SLC13A4: variants seen among roughly 807,000 people sequenced by gnomAD.
The protein encoded by SLC13A4 is solute carrier family 13 member 4, also known as Na(+)/sulfate cotransporter SUT-1.
SLC13A4 carries 28 observed loss-of-function variants against 72.7 expected under a neutral mutation model. That is an observed-to-expected ratio of 0.39 (90% confidence interval 0.29 to 0.53). The LOEUF (loss-of-function observed/expected upper bound fraction) is 0.53. Among genes scored for constraint, SLC13A4 ranks in the 20% least tolerant of loss-of-function variants. The pLI is 0.78. For missense variants in SLC13A4, 653 were observed against 788.0 expected, an observed-to-expected ratio of 0.83 and a Z score of 2.05; for synonymous variants, 312 against 325.5, an observed-to-expected ratio of 0.96 and a Z score of 0.45.
rs985916337 is a variant in SLC13A4, at chr7:135,692,424, G to C, written c.1122C>G (p.Ser374Arg). Residue 374 changes from serine to arginine, a missense_variant and splice_region_variant, in exon 11 of 16, where the codon AGC (serine) becomes AGG (arginine). By Grantham distance (110) the Ser-to-Arg change is moderately radical. Transcript: ENST00000682651. ...QEEYEKLGDI[S>R]YPEMVTGFFF... is the part of the protein sequence containing the mutation. ...AAAATCCAGTCACCATTTCTGGGTA[G>C]CTATAAAATAAAACAGAAAGACCCA... is the stretch of plus-strand genomic sequence containing the variant. 1.3e-5 allele frequency: 21 copies of C among 1,604,450 alleles called. No homozygotes were observed. Among genetic ancestry groups the C allele is most frequent in the Non-Finnish European group, 1.6e-5 (19 of 1,175,750 alleles).
intron 4 of SLC13A4, 27 bp downstream of exon 4, chr7:135,706,100 AG>A (rs772154040): frequency 5.8e-6 from 9 of 1,549,396 alleles, no homozygotes; most frequent in Middle Eastern, 1.7e-4. Context: ...GGAGGAGCAA[AG>A]GAGAGATGAA....
chr7:135,714,245 C>A (rs1004452994), intron 2 of SLC13A4, among the ~76,000 whole-genome samples: 3 of 152,212 alleles, frequency 2.0e-5, no homozygotes, highest in Non-Finnish European at 2.9e-5. Context: ...TAGAGAGACC[C>A]AGATGGGTGC....
intron 3 of SLC13A4, chr7:135,707,774 A>T: frequency 2.7e-5 from 5 of 188,652 alleles, no homozygotes; most frequent in East Asian, 1.3e-4. Flanking sequence ...CTTCCGGTCC[A>T]GCCTGTTCCC....
intron 2 of SLC13A4, among the ~76,000 whole-genome samples, chr7:135,709,512 C>T (rs1176990251): frequency 6.6e-6 from 1 of 151,942 alleles, no homozygotes; most frequent in Non-Finnish European, 1.5e-5. Flanking sequence ...CTCAACCTCC[C>T]AGGCTCAGGG....
rs759049343 is a variant in SLC13A4, at chr7:135,705,656, A to C, written c.539-6T>G. 3 of 1,613,612 alleles carry C rather than the reference A, an allele frequency of 1.9e-6. No homozygotes were observed. On this transcript the variant is annotated splice_region_variant and splice_polypyrimidine_tract_variant and intron_variant, in intron 4 of 15. Coordinates refer to ENST00000682651, the MANE Select transcript of SLC13A4 (RefSeq NM_001318192.2). ...GCTGTTCTTTACATCCAGACCTATG[A>C]GTAGCAAAGAAAAGCAGTATGTGAG...
At chr7:135,695,622 G>A (rs1294546722) in intron 8 of SLC13A4, 135 bp from the exon 9 acceptor site, 18 of 999,148 alleles carry the variant, frequency 1.8e-5, no homozygotes, top group East Asian at 2.7e-5. Flanking sequence ...ATGGTAAAAC[G>A]TTGCCTAGGA....
At chr7:135,715,671 G>A (rs943879886) in intron 2 of SLC13A4, among the ~76,000 whole-genome samples, 1 of 152,214 alleles carries the variant, frequency 6.6e-6, no homozygotes, top group Admixed American at 6.5e-5. Flanking sequence ...CTTCACCGGA[G>A]AGCCCTGTGG....
At chr7:135,708,917 ATTTTTTTTT>A (rs59407311) in intron 2 of SLC13A4, among the ~76,000 whole-genome samples, 1 of 71,446 alleles carries the variant, frequency 1.4e-5, no homozygotes, top group Non-Finnish European at 2.4e-5. Flanking sequence ...GTCTTGCTCA[ATTTTTTTTT>A]TTTTTTTTTT....
chr7:135,699,614 CA>C, intron 7 of SLC13A4, 66 bp from the exon 8 acceptor site: 1 of 1,413,906 alleles, frequency 7.1e-7, no homozygotes, highest in Non-Finnish European at 9.6e-7. Context: ...GCATGAGAGG[CA>C]GGAGGCACCA....
chr7:135,718,145 A>G (rs945175806), intron 2 of SLC13A4, among the ~76,000 whole-genome samples: 8 of 144,426 alleles, frequency 5.5e-5, no homozygotes, highest in Non-Finnish European at 1.1e-4. Flanking sequence ...CTCTGGAGAA[A>G]CTGCAGAACA....
At chr7:135,702,078 A>G in intron 6 of SLC13A4, 1 of 193,120 alleles carries the variant, frequency 5.2e-6, no homozygotes, top group Non-Finnish European at 1.0e-5. Flanking sequence ...AAGAAAATAA[A>G]AAAAAAATAA....
chr7:135,699,884 T>C (rs1357049457), intron 7 of SLC13A4, among the ~76,000 whole-genome samples: 3 of 152,162 alleles, frequency 2.0e-5, no homozygotes, highest in Non-Finnish European at 2.9e-5. Flanking sequence ...GGGTTTTTAT[T>C]TGAACTCCTG....
chr7:135,707,553 A>C (rs1796193082), intron 3 of SLC13A4: 1 of 152,364 alleles, frequency 6.6e-6, no homozygotes, highest in Non-Finnish European at 1.5e-5. Flanking sequence ...GGGAAGGTAC[A>C]GGCAGGGGAA....
At chr7:135,683,481 C>CG in intron 15 of SLC13A4, 1 of 983,836 alleles carries the variant, frequency 1.0e-6, no homozygotes, top group Non-Finnish European at 1.2e-6. Flanking sequence ...CCATCCTCTC[C>CG]CCCCCCGCTC....
At chr7:135,691,100 G>T in intron 13 of SLC13A4, 101 bp downstream of exon 13, 2 of 1,081,112 alleles carry the variant, frequency 1.8e-6, no homozygotes, top group South Asian at 3.2e-5. Context: ...GGAGGCGGAG[G>T]TTGCAGTGAG....
chr7:135,716,847 A>G (rs1485440483), intron 2 of SLC13A4, among the ~76,000 whole-genome samples: 2 of 151,992 alleles, frequency 1.3e-5, no homozygotes, highest in African/African-American at 4.8e-5. Context: ...TGTGTAAATG[A>G]CCTCCCACAG....
chr7:135,715,805 G>A (rs1295717550), intron 2 of SLC13A4, among the ~76,000 whole-genome samples: 1 of 152,192 alleles, frequency 6.6e-6, no homozygotes, highest in Non-Finnish European at 1.5e-5. Context: ...GGACTTCAGA[G>A]GCAGATATAA....
intron 2 of SLC13A4, among the ~76,000 whole-genome samples, chr7:135,713,764 A>G (rs1228422810): frequency 6.6e-6 from 1 of 152,172 alleles, no homozygotes; most frequent in East Asian, 1.9e-4. Flanking sequence ...TTCAGTAGAG[A>G]CGGGGTTTCG....
chr7:135,720,344 G>C (rs891282801), intron 2 of SLC13A4, among the ~76,000 whole-genome samples: 3 of 152,018 alleles, frequency 2.0e-5, no homozygotes, highest in Admixed American at 6.6e-5. Context: ...TGTGATTTGG[G>C]CTGAGTCTCT....
Sources: gnomAD v4.1 joint callset for allele counts (sites outside exome capture counted in the v4.1 genomes callset) on GRCh38, gnomAD v4.1.1 for gene constraint, MANE v1.5 for transcripts, NCBI Gene and HGNC (gene_info 2026-07-23, HGNC 2026-07-21) for gene names.